The following MYT1L variants were observed in gnomAD, a reference collection of about 807,000 sequenced individuals.
MYT1L encodes myelin transcription factor 1 like.
Under a neutral mutation model 126.7 loss-of-function variants are expected in MYT1L, and 12 were observed. That is an observed-to-expected ratio of 0.09 (90% CI 0.06 to 0.15). MYT1L has a LOEUF of 0.15. MYT1L is among the 10% of genes least tolerant of loss of function. The probability of loss-of-function intolerance (pLI) is 1.00; values close to 1 mark genes in which losing one functional copy is unlikely to be tolerated. For synonymous variants in MYT1L, 541 were observed against 604.2 expected (o/e 0.90, Z 1.53); for missense variants, 979 against 1,585.2 (o/e 0.62, Z 6.49).
chr2:1,925,273 T>A (rs937211210), intron 9 of MYT1L, among the ~76,000 whole-genome samples: 2 of 152,174 alleles, frequency 1.3e-5, no homozygotes, highest in East Asian at 3.9e-4. Context: ...TTGAAAGTGG[T>A]GAACAAGGAA....
At position 1,851,744 on chromosome 2, in the gene MYT1L, T is replaced by TA. The variant is rs1558758093; in HGVS notation, c.2712-42dup. The TA allele has an allele frequency of 3.8e-6, 6 of 1,569,364 alleles. No homozygotes were observed. In the African/African-American group the frequency reaches 6.8e-5, roughly 18 times the overall value. ...CAAATTGTGTTAAAATGGAAAGAAA[T>TA]AAAGTTCCCTGAACAATTAACTTTT... On this transcript the variant is annotated intron_variant, in intron 18 of 24. Transcript: ENST00000647738.
chr2:1,799,067 C>A lies in MYT1L; in HGVS notation c.3276+2629G>T, dbSNP rs901629076. ...TGAGAGCTGCAGAGCTGGGGGACTC[C>A]GGCTCAGCGCATTCCCATCCCTTCT... On this transcript the variant is annotated intron_variant, in intron 23 of 24. Coordinates refer to ENST00000647738, the MANE Select transcript of MYT1L (RefSeq NM_001303052.2). 2.6e-5 allele frequency among the ~76,000 whole-genome samples: 4 copies of A among 152,180 alleles called. No homozygotes were observed. In the South Asian group the frequency reaches 8.3e-4, roughly 32 times the overall value.
At chr2:2,239,599 T>C (rs2094396401) in intron 2 of MYT1L, among the ~76,000 whole-genome samples, 1 of 152,240 alleles carries the variant, frequency 6.6e-6, no homozygotes, top group Non-Finnish European at 1.5e-5. Flanking sequence ...GGATAGGCTC[T>C]GTGATGCCAT....
chr2:2,214,397 C>T (rs1233615445), intron 2 of MYT1L, among the ~76,000 whole-genome samples: 1 of 151,700 alleles, frequency 6.6e-6, no homozygotes, highest in Non-Finnish European at 1.5e-5. Context: ...CACAAGAACA[C>T]ATAGAAAATT....
chr2:2,300,952 C>A lies in MYT1L; in HGVS notation c.-520-16449G>T, dbSNP rs376849271. Among the ~76,000 whole-genome samples, 18 of 152,322 alleles carry A rather than the reference C, an allele frequency of 1.2e-4. No individual in the cohort carries two copies. The South Asian group carries it at 3.7e-3, about 32-fold the overall frequency. ...CTCCTGCAGGAGCTACTGGTCACAG[C>A]AAGCACTCTTGGCTGTGGCCCATTC... is the stretch of plus-strand genomic sequence containing the variant. On this transcript the variant is annotated intron_variant, in intron 1 of 24. Coordinates refer to ENST00000647738, the MANE Select transcript of MYT1L (RefSeq NM_001303052.2).
chr2:2,005,060 T>C (rs1230834332), intron 4 of MYT1L, among the ~76,000 whole-genome samples: 1 of 149,750 alleles, frequency 6.7e-6, no homozygotes, highest in African/African-American at 2.5e-5. Context: ...GAATACATTC[T>C]TTCCTGCATG....
intron 21 of MYT1L, among the ~76,000 whole-genome samples, chr2:1,818,993 G>A (rs1370301806): frequency 2.0e-5 from 3 of 152,072 alleles, no homozygotes; most frequent in Non-Finnish European, 2.9e-5. Flanking sequence ...CACCCAGATG[G>A]CCCCCAGCTC....
At chr2:2,297,271 T>C (rs1374182482) in intron 1 of MYT1L, among the ~76,000 whole-genome samples, 2 of 152,208 alleles carry the variant, frequency 1.3e-5, no homozygotes, top group African/African-American at 4.8e-5. Context: ...ATTTGAGTCA[T>C]TTCTCCCTGC....
At chr2:2,153,617 G>C (rs115658254) in intron 3 of MYT1L, among the ~76,000 whole-genome samples, 4,338 of 152,248 alleles carry the variant, frequency 0.028, 109 homozygotes, top group Non-Finnish European at 0.044. Flanking sequence ...GGTGTGGCTT[G>C]GAAGACCATC....
chr2:1,796,445 G>T (rs2033523393), intron 23 of MYT1L, among the ~76,000 whole-genome samples: 1 of 152,158 alleles, frequency 6.6e-6, no homozygotes, highest in Non-Finnish European at 1.5e-5. Context: ...TTAGCCCCAG[G>T]GAGAACAGCC....
intron 2 of MYT1L, among the ~76,000 whole-genome samples, chr2:2,175,917 G>T (rs530526633): frequency 6.6e-6 from 1 of 152,204 alleles, no homozygotes; most frequent in African/African-American, 2.4e-5. Flanking sequence ...CTCCTTGCTC[G>T]GGGGCTGGGT....
chr2:1,961,733 C>T (rs1009748654), intron 8 of MYT1L, among the ~76,000 whole-genome samples: 6 of 152,214 alleles, frequency 3.9e-5, no homozygotes, highest in Non-Finnish European at 7.3e-5. Context: ...TGAGTACAGG[C>T]AGGCCTCGGA....
intron 2 of MYT1L, among the ~76,000 whole-genome samples, chr2:2,275,952 A>T (rs868183298): frequency 6.6e-6 from 1 of 151,762 alleles, no homozygotes; most frequent in Non-Finnish European, 1.5e-5. Context: ...ATCGACCTCC[A>T]CCTTGCCCCA....
At chr2:2,076,241 G>A (rs972094363) in intron 3 of MYT1L, among the ~76,000 whole-genome samples, 6 of 152,174 alleles carry the variant, frequency 3.9e-5, no homozygotes, top group East Asian at 3.9e-4. Context: ...AAGGCTGTGT[G>A]CATGTCCAGG....
intron 21 of MYT1L, among the ~76,000 whole-genome samples, chr2:1,822,533 T>C (rs2038694743): frequency 6.6e-6 from 1 of 152,196 alleles, no homozygotes; most frequent in Non-Finnish European, 1.5e-5. Context: ...TGCCACAGGA[T>C]GGCGAGGGCT....
At chr2:1,948,574 G>A (rs1366777197) in intron 8 of MYT1L, among the ~76,000 whole-genome samples, 1 of 152,262 alleles carries the variant, frequency 6.6e-6, no homozygotes, top group African/African-American at 2.4e-5. Context: ...TTTGGGGAGT[G>A]TGTATCCTCC....
At chr2:2,031,738 G>A (rs374402905) in intron 4 of MYT1L, among the ~76,000 whole-genome samples, 3 of 139,716 alleles carry the variant, frequency 2.1e-5, no homozygotes, top group Admixed American at 7.4e-5. Flanking sequence ...TCATCCTGTC[G>A]CCCAGAGCAG....
At chr2:1,945,929 T>C (rs181744239) in intron 8 of MYT1L, among the ~76,000 whole-genome samples, 183 of 152,302 alleles carry the variant, frequency 1.2e-3, no homozygotes, top group Admixed American at 3.0e-3. Context: ...AATTTTATGT[T>C]TCTTAGGAAG....
intron 2 of MYT1L, among the ~76,000 whole-genome samples, chr2:2,264,658 G>A (rs2095075881): frequency 1.3e-5 from 2 of 152,122 alleles, no homozygotes; most frequent in South Asian, 4.1e-4. Flanking sequence ...CCTGTGGGCT[G>A]AGGACGCGCC....
Sources: gnomAD v4.1 joint callset for allele counts (sites outside exome capture counted in the v4.1 genomes callset) on GRCh38, gnomAD v4.1.1 for gene constraint, MANE v1.5 for transcripts, NCBI Gene and HGNC (gene_info 2026-07-23, HGNC 2026-07-21) for gene names.